Variants in LHFPL3 observed in about 807,000 individuals in gnomAD.
The protein encoded by LHFPL3 is LHFPL tetraspan subfamily member 3 protein.
Under a neutral mutation model 19.3 loss-of-function variants are expected in LHFPL3, and 5 were observed. The ratio of observed to expected loss-of-function variants is 0.26; its 90% CI spans 0.14 to 0.54. The LOEUF is 0.54. Ranked by LOEUF, LHFPL3 falls within the 20% of genes least tolerant of loss-of-function variation. The probability of loss-of-function intolerance (pLI) is 0.94; values close to 1 mark genes in which losing one functional copy is unlikely to be tolerated. For missense variants in LHFPL3, 249 were observed against 307.4 expected, an observed-to-expected ratio of 0.81 and a Z score of 1.42; for synonymous variants, 133 against 126.2, an observed-to-expected ratio of 1.05 and a Z score of -0.36.
chr7:104,889,647 A>G (rs1027789109), intron 2 of LHFPL3, among the ~76,000 whole-genome samples: 1 of 152,138 alleles, frequency 6.6e-6, no homozygotes, highest in Non-Finnish European at 1.5e-5. Context: ...CTCAGAAACA[A>G]AAACAAGGAA....
intron 2 of LHFPL3, among the ~76,000 whole-genome samples, chr7:104,771,904 C>T (rs568728435): frequency 5.7e-5 from 8 of 139,676 alleles, no homozygotes; most frequent in Non-Finnish European, 1.1e-4. Flanking sequence ...TCACTGCAAC[C>T]TCTGCCTCCC....
chr7:104,822,764 T>G (rs901604771), intron 2 of LHFPL3, among the ~76,000 whole-genome samples: 5 of 151,984 alleles, frequency 3.3e-5, no homozygotes, highest in African/African-American at 9.7e-5. Context: ...AGCTATTATC[T>G]TCAGCAAGGG....
chr7:104,519,569 T>C (rs1040017457), intron 1 of LHFPL3, among the ~76,000 whole-genome samples: 6 of 152,176 alleles, frequency 3.9e-5, no homozygotes, highest in African/African-American at 1.4e-4. Flanking sequence ...AAGAAGCTGA[T>C]CATTTGCATT....
rs117803730 is a variant in LHFPL3 at position 104,754,607 on chromosome 7, C to T, written c.682+17696C>T. Among the ~76,000 whole-genome samples the T allele has an allele frequency of 5.7e-3, 868 of 152,244 alleles. 3 individuals are homozygous for T. Among genetic ancestry groups the T allele is most frequent in the Admixed American group, 0.01 (155 of 15,284 alleles). ...AGGTTTAAAACACATAATCCAAGTA[C>T]GGCACTTAGCTCAGTGCTTAATATA... On this transcript the variant is annotated intron_variant, in intron 2 of 2. Transcript: ENST00000424859.
intron 1 of LHFPL3, among the ~76,000 whole-genome samples, chr7:104,535,871 G>A (rs1794380188): frequency 6.6e-6 from 1 of 152,228 alleles, no homozygotes; most frequent in African/African-American, 2.4e-5. Flanking sequence ...AAAAACAGAA[G>A]AGAGAATAGT....
At chr7:104,430,395 T>C (rs181934070) in intron 1 of LHFPL3, among the ~76,000 whole-genome samples, 119 of 40,504 alleles carry the variant, frequency 2.9e-3, no homozygotes, top group Non-Finnish European at 3.1e-3. Context: ...TATATATATA[T>C]ATATATATAC....
rs372428501 is a variant in LHFPL3, at chr7:104,820,278, G to T, written c.682+83367G>T. 2.4e-4 allele frequency among the ~76,000 whole-genome samples: 37 copies of T among 152,296 alleles called. 1 individual carries two copies. The highest frequency in any genetic ancestry group is 8.4e-4 in the African/African-American group (35 of 41,566). ...AAATGAATGAAAGGGTGAGCAGAGT[G>T]CTAATAAAGTACCATGGCTCCAGAT... On this transcript the variant is annotated intron_variant, in intron 2 of 2. Transcript: ENST00000424859.
intron 1 of LHFPL3, among the ~76,000 whole-genome samples, chr7:104,635,709 C>T (rs1371415165): frequency 6.6e-6 from 1 of 152,000 alleles, no homozygotes; most frequent in Non-Finnish European, 1.5e-5. Context: ...AGGAGTAAAC[C>T]AAGAGAAAGG....
At chr7:104,629,689 G>A (rs907579695) in intron 1 of LHFPL3, among the ~76,000 whole-genome samples, 5 of 152,300 alleles carry the variant, frequency 3.3e-5, no homozygotes, top group Non-Finnish European at 5.9e-5. Flanking sequence ...TGCATACAAA[G>A]TGTTGAGAAA....
At chr7:104,557,983 C>G (rs1789885665) in intron 1 of LHFPL3, among the ~76,000 whole-genome samples, 2 of 150,738 alleles carry the variant, frequency 1.3e-5, no homozygotes, top group South Asian at 4.2e-4. Flanking sequence ...CCAATTTCAT[C>G]CATGTCCCTA....
intron 1 of LHFPL3, among the ~76,000 whole-genome samples, chr7:104,383,007 G>A (rs974926063): frequency 2.0e-5 from 3 of 151,990 alleles, no homozygotes; most frequent in African/African-American, 7.3e-5. Flanking sequence ...AGAAACTGAG[G>A]CGCCGTGAGG....
intron 1 of LHFPL3, among the ~76,000 whole-genome samples, chr7:104,567,721 T>C (rs916389356): frequency 6.6e-6 from 1 of 152,182 alleles, no homozygotes. Context: ...TTCGGCTTGC[T>C]CATGATGTAC....
At chr7:104,530,694 G>C (rs1794278881) in intron 1 of LHFPL3, among the ~76,000 whole-genome samples, 1 of 152,166 alleles carries the variant, frequency 6.6e-6, no homozygotes, top group Non-Finnish European at 1.5e-5. Context: ...TAAATTACTA[G>C]CTGCTTTAAG....
chr7:104,468,845 G>C (rs898537881), intron 1 of LHFPL3, among the ~76,000 whole-genome samples: 1 of 152,104 alleles, frequency 6.6e-6, no homozygotes, highest in South Asian at 2.1e-4. Context: ...ATTTTTAGTA[G>C]AGACAGGGTT....
At chr7:104,893,731 C>T (rs759639797) in intron 2 of LHFPL3, among the ~76,000 whole-genome samples, 13 of 152,000 alleles carry the variant, frequency 8.6e-5, no homozygotes, top group African/African-American at 1.2e-4. Context: ...GCAGGTGGAT[C>T]GCCTGAGGTC....
At chr7:104,413,374 C>G (rs1244752934) in intron 1 of LHFPL3, among the ~76,000 whole-genome samples, 1 of 152,216 alleles carries the variant, frequency 6.6e-6, no homozygotes, top group African/African-American at 2.4e-5. Flanking sequence ...TTCTCTGAAT[C>G]TTCACCATCC....
chr7:104,597,728 A>G (rs1003428161), intron 1 of LHFPL3, among the ~76,000 whole-genome samples: 1 of 152,224 alleles, frequency 6.6e-6, no homozygotes, highest in Non-Finnish European at 1.5e-5. Flanking sequence ...GCATAGTGAC[A>G]TTGCTGGCTT....
rs980228803 is a variant in LHFPL3, at chr7:104,572,146, G to A, written c.446-164529G>A. On this transcript the variant is annotated intron_variant, in intron 1 of 2. Coordinates refer to ENST00000424859, the MANE Select transcript of LHFPL3 (RefSeq NM_199000.3). ...TCAAAAAGTGTGGTGGTGTTTTCAA[G>A]TATTTTTCACACAGATTTGAATCTA... 3.9e-4 allele frequency among the ~76,000 whole-genome samples: 60 copies of A among 152,302 alleles called. 1 individual carries two copies. Among genetic ancestry groups the A allele is most frequent in the Non-Finnish European group, 2.5e-4 (17 of 68,010 alleles).
intron 2 of LHFPL3, among the ~76,000 whole-genome samples, chr7:104,759,377 A>T (rs183932603): frequency 0.068 from 10,283 of 152,088 alleles, 490 homozygotes; most frequent in Middle Eastern, 0.12. Context: ...ATTTTTTTTT[A>T]AAAAAAGGTG....
Sources: gnomAD v4.1 joint callset for allele counts (sites outside exome capture counted in the v4.1 genomes callset) on GRCh38, gnomAD v4.1.1 for gene constraint, MANE v1.5 for transcripts, NCBI Gene and HGNC (gene_info 2026-07-23, HGNC 2026-07-21) for gene names.